The following FANK1 variants were observed in gnomAD, a reference collection of about 807,000 sequenced individuals.
FANK1 encodes the protein fibronectin type III and ankyrin repeat domains 1, also known as fibronectin type 3 and ankyrin repeat domains protein 1.
Under a neutral mutation model 45.3 loss-of-function variants are expected in FANK1, and 44 were observed. The observed-to-expected ratio is 0.97, with a 90% CI of 0.76 to 1.25. The LOEUF (loss-of-function observed/expected upper bound fraction) is 1.25. FANK1 is among the 50% of genes most tolerant of loss of function. The pLI is 0.00. For missense variants in FANK1, 391 were observed against 424.4 expected, an observed-to-expected ratio of 0.92 and a Z score of 0.69; for synonymous variants, 149 against 152.5, an observed-to-expected ratio of 0.98 and a Z score of 0.17.
At chr10:125,963,946 A>G (rs1023923135) in intron 1 of FANK1, among the ~76,000 whole-genome samples, 9 of 152,104 alleles carry the variant, frequency 5.9e-5, no homozygotes, top group Non-Finnish European at 2.9e-5. Context: ...CTGGATACCT[A>G]TTTAGTTGGG....
intron 1 of FANK1, among the ~76,000 whole-genome samples, chr10:125,948,845 T>C (rs1197620450): frequency 6.7e-6 from 1 of 148,958 alleles, no homozygotes; most frequent in Non-Finnish European, 1.5e-5. Context: ...ATATCCTTGA[T>C]GAACATTGAT....
At chr10:125,970,634 G>A (rs914118555) in intron 1 of FANK1, among the ~76,000 whole-genome samples, 12 of 152,178 alleles carry the variant, frequency 7.9e-5, no homozygotes, top group African/African-American at 2.2e-4. Flanking sequence ...CCAACACGGC[G>A]AAACCCCTTC....
At chr10:125,918,498 T>C (rs1467514422) in intron 1 of FANK1, among the ~76,000 whole-genome samples, 9 of 133,678 alleles carry the variant, frequency 6.7e-5, no homozygotes, top group African/African-American at 2.3e-4. Flanking sequence ...GAGTTTGCAG[T>C]GAGCTGAGAT....
intron 3 of FANK1, among the ~76,000 whole-genome samples, chr10:125,990,936 T>A (rs561114999): frequency 6.6e-6 from 1 of 152,166 alleles, no homozygotes; most frequent in African/African-American, 2.4e-5. Flanking sequence ...AACCATCAGA[T>A]CTTATGAGAC....
intron 3 of FANK1, 30 bp from the exon 4 acceptor site, chr10:125,995,387 G>A: frequency 6.2e-7 from 1 of 1,604,402 alleles, no homozygotes; most frequent in Non-Finnish European, 8.5e-7. Flanking sequence ...CTGATGTTCT[G>A]GATGACTGCC....
chr10:125,958,233 C>T (rs1308450273), intron 1 of FANK1, among the ~76,000 whole-genome samples: 1 of 152,156 alleles, frequency 6.6e-6, no homozygotes, highest in East Asian at 1.9e-4. Context: ...CTAGTATCCT[C>T]TGTTCTCTTT....
chr10:126,001,236 T>C (rs1322962769), intron 6 of FANK1, among the ~76,000 whole-genome samples: 2 of 152,204 alleles, frequency 1.3e-5, no homozygotes, highest in African/African-American at 4.8e-5. Context: ...CTGATTGAAG[T>C]TATGATACAT....
chr10:125,939,437 T>C (rs1388265287), intron 1 of FANK1, among the ~76,000 whole-genome samples: 1 of 152,230 alleles, frequency 6.6e-6, no homozygotes, highest in Non-Finnish European at 1.5e-5. Flanking sequence ...CATTATGATA[T>C]TTGTAACTTA....
At chr10:125,977,962 C>T (rs1224892223) in intron 1 of FANK1, among the ~76,000 whole-genome samples, 3 of 152,164 alleles carry the variant, frequency 2.0e-5, no homozygotes, top group Non-Finnish European at 2.9e-5. Flanking sequence ...AGGCTCTGTT[C>T]GGGGAGTTGC....
chr10:125,996,742 T>TAA, intron 5 of FANK1, 118 bp downstream of exon 5: 1 of 916,348 alleles, frequency 1.1e-6, no homozygotes, highest in Non-Finnish European at 1.7e-6. Context: ...GTTTCTTTTC[T>TAA]ATCTCCCAAA....
At chr10:125,941,425 G>C (rs1446813691) in intron 1 of FANK1, among the ~76,000 whole-genome samples, 1 of 152,172 alleles carries the variant, frequency 6.6e-6, no homozygotes, top group Non-Finnish European at 1.5e-5. Context: ...ATGGATTATG[G>C]GTCAGTGGAA....
rs1263849558 is a variant in FANK1, at chr10:125,968,928, T to C, written c.14-11233T>C. ...TGGCGACAGTGTATGAAGCCCTTTA[T>C]TATTCTATATTCCCATTTATTACTT... On this transcript the variant is annotated intron_variant, in intron 1 of 10. Transcript: ENST00000368693. Among the ~76,000 whole-genome samples, 2 of 152,184 alleles carry C rather than the reference T, an allele frequency of 1.3e-5. 1 individual carries two copies. The highest frequency in any genetic ancestry group is 4.1e-4 in the South Asian group (2 of 4,828).
intron 5 of FANK1, 27 bp downstream of exon 5, chr10:125,996,651 C>G: frequency 1.2e-6 from 2 of 1,603,626 alleles, no homozygotes; most frequent in Non-Finnish European, 1.7e-6. Context: ...TTTTAAATCT[C>G]TCTTGGGGAT....
At chr10:125,925,706 C>T (rs1362307264) in intron 1 of FANK1, among the ~76,000 whole-genome samples, 2 of 151,912 alleles carry the variant, frequency 1.3e-5, no homozygotes, top group South Asian at 2.1e-4. Context: ...TCCTCTGATA[C>T]GTATTTTAAT....
rs761761458 is a variant in FANK1, at chr10:125,997,532, G to A, written c.539+47G>A. 9.6e-6 allele frequency: 15 copies of A among 1,568,468 alleles called. 1 individual carries two copies. In the South Asian group the frequency reaches 1.5e-4, roughly 15 times the overall value. On this transcript the variant is annotated intron_variant, in intron 6 of 10. Transcript: ENST00000368693. ...AAATTGTGCTGATGTTCTCAGAATT[G>A]TGTTGCTAGGCTTGTGCCCAGAGGG...
At chr10:125,961,411 C>T (rs773767572) in intron 1 of FANK1, among the ~76,000 whole-genome samples, 20 of 152,128 alleles carry the variant, frequency 1.3e-4, no homozygotes, top group Non-Finnish European at 2.8e-4. Context: ...TGCCTGGCTA[C>T]CAACTGATTT....
intron 1 of FANK1, among the ~76,000 whole-genome samples, chr10:125,975,388 C>T (rs7078337): frequency 0.4 from 60,350 of 152,030 alleles, 12,147 homozygotes; most frequent in South Asian, 0.46. Flanking sequence ...GGTCAAATAG[C>T]AGTTCTGGTT....
Position 125,995,355 on chromosome 10 carries a change from T to C in FANK1, c.317-62T>C, listed in dbSNP as rs1952246943. On this transcript the variant is annotated intron_variant, in intron 3 of 10. Coordinates refer to ENST00000368693, the MANE Select transcript of FANK1 (RefSeq NM_145235.5). ...TCCCCTGAAGGCCACAGGAGGACGA[T>C]GGCGGGAAGCAGTCTCCTTTTCTGA... The C allele has an allele frequency of 1.5e-5, 23 of 1,497,732 alleles. 1 individual carries two copies. The South Asian group carries it at 2.5e-4, about 16-fold the overall frequency. 92.8% of individuals were successfully genotyped at this position (1,497,732 alleles called of 1,614,324 possible).
intron 1 of FANK1, among the ~76,000 whole-genome samples, chr10:125,968,586 A>G (rs1171711065): frequency 6.6e-6 from 1 of 152,198 alleles, no homozygotes; most frequent in Non-Finnish European, 1.5e-5. Flanking sequence ...TCACAATTGC[A>G]AATTCCAATA....
Sources: gnomAD v4.1 joint callset for allele counts (sites outside exome capture counted in the v4.1 genomes callset) on GRCh38, gnomAD v4.1.1 for gene constraint, MANE v1.5 for transcripts, NCBI Gene and HGNC (gene_info 2026-07-23, HGNC 2026-07-21) for gene names.